The following ART3 variants were observed in gnomAD, a reference collection of about 807,000 sequenced individuals.
The protein encoded by ART3 is ADP-ribosyltransferase 3 (inactive).
ART3 carries 49 observed loss-of-function variants against 48.5 expected under a neutral mutation model. The ratio of observed to expected loss-of-function variants is 1.01; its 90% CI spans 0.80 to 1.28. The LOEUF (loss-of-function observed/expected upper bound fraction) is 1.28. ART3 is among the 50% of genes most tolerant of loss of function. The probability of loss-of-function intolerance (pLI) is 0.00; values close to 1 mark genes in which losing one functional copy is unlikely to be tolerated. For synonymous variants in ART3, 145 were observed against 157.2 expected (o/e 0.92, Z 0.58); for missense variants, 438 against 454.3 (o/e 0.96, Z 0.33).
chr4:76,074,620 T>C (rs1193648126), upstream of ART3: 1 of 152,264 alleles, frequency 6.6e-6, no homozygotes, highest in East Asian at 1.9e-4. Flanking sequence ...GGGGGCCAGA[T>C]ATAAATAGCA....
At chr4:76,055,099 C>G (rs1298537071) in intron 1 of ART3, among the ~76,000 whole-genome samples, 1 of 152,180 alleles carries the variant, frequency 6.6e-6, no homozygotes, top group Non-Finnish European at 1.5e-5. Context: ...TAAGGCTTTC[C>G]TAACATCCTG....
At chr4:76,033,291 A>G (rs1489575714) in intron 1 of ART3, among the ~76,000 whole-genome samples, 1 of 152,206 alleles carries the variant, frequency 6.6e-6, no homozygotes, top group Non-Finnish European at 1.5e-5. Flanking sequence ...GGAAGACACT[A>G]CTGTAAGACT....
chr4:76,018,858 T>G (rs1408652021), intron 1 of ART3, among the ~76,000 whole-genome samples: 3 of 152,010 alleles, frequency 2.0e-5, no homozygotes, highest in Non-Finnish European at 4.4e-5. Flanking sequence ...TGAAGCCTCA[T>G]ATTTGTATTA....
chr4:76,054,340 A>T (rs1332577078), intron 1 of ART3, among the ~76,000 whole-genome samples: 1 of 152,212 alleles, frequency 6.6e-6, no homozygotes, highest in Non-Finnish European at 1.5e-5. Flanking sequence ...GACCATTTAT[A>T]AGGAGTATTT....
At chr4:76,046,185 T>C (rs1000801815) in intron 1 of ART3, among the ~76,000 whole-genome samples, 1 of 151,996 alleles carries the variant, frequency 6.6e-6, no homozygotes, top group Non-Finnish European at 1.5e-5. Flanking sequence ...GGCAAGACCA[T>C]CTGTGTAAGT....
chr4:76,039,743 T>C (rs534572791), intron 1 of ART3, among the ~76,000 whole-genome samples: 1 of 152,342 alleles, frequency 6.6e-6, no homozygotes, highest in South Asian at 2.1e-4. Flanking sequence ...TTCTTAATTT[T>C]TTTAAAAAGA....
intron 1 of ART3, among the ~76,000 whole-genome samples, chr4:76,046,486 T>G (rs980353543): frequency 6.6e-6 from 1 of 152,064 alleles, no homozygotes; most frequent in African/African-American, 2.4e-5. Context: ...CTTGAGCTTT[T>G]AAATGTTTAA....
At chr4:76,102,846 A>T (rs1006070401) in intron 8 of ART3, among the ~76,000 whole-genome samples, 34 of 152,210 alleles carry the variant, frequency 2.2e-4, no homozygotes, top group African/African-American at 7.9e-4. Context: ...AGCATATTTT[A>T]TATATTACAT....
intron 1 of ART3, among the ~76,000 whole-genome samples, chr4:76,036,508 A>G (rs1734425626): frequency 6.6e-6 from 1 of 152,030 alleles, no homozygotes; most frequent in African/African-American, 2.4e-5. Context: ...TAAGGCCTAT[A>G]TTATTTGACA....
chr4:76,082,854 A>G (rs944742328), intron 3 of ART3, among the ~76,000 whole-genome samples: 3 of 152,126 alleles, frequency 2.0e-5, no homozygotes, highest in Middle Eastern at 3.2e-3. Context: ...TGCTACTGAC[A>G]TCTAATGGGT....
At chr4:76,040,076 G>A (rs1734797614) in intron 1 of ART3, among the ~76,000 whole-genome samples, 1 of 152,224 alleles carries the variant, frequency 6.6e-6, no homozygotes, top group Non-Finnish European at 1.5e-5. Flanking sequence ...TGTAATCCCA[G>A]CAGTTTGGGA....
chr4:76,088,209 G>T (rs1351197644), intron 3 of ART3, among the ~76,000 whole-genome samples: 1 of 151,568 alleles, frequency 6.6e-6, no homozygotes, highest in Non-Finnish European at 1.5e-5. Context: ...AAATTTATAT[G>T]CAGAGAAATA....
At chr4:76,035,897 A>T (rs751105525) in intron 1 of ART3, 1 of 1,594,914 alleles carries the variant, frequency 6.3e-7, no homozygotes, top group South Asian at 1.1e-5. Flanking sequence ...AAAGGAACTT[A>T]TAGGTTGAGA....
chr4:76,097,385 AT>A (rs1340398877), intron 3 of ART3, among the ~76,000 whole-genome samples: 1 of 151,666 alleles, frequency 6.6e-6, no homozygotes, highest in African/African-American at 2.4e-5. Flanking sequence ...AAAAAAAAAA[AT>A]TGTAGAAATG....
chr4:76,014,216 C>A, intron 1 of ART3, among the ~76,000 whole-genome samples: 1 of 152,014 alleles, frequency 6.6e-6, no homozygotes, highest in Non-Finnish European at 1.5e-5. Flanking sequence ...CCTGAGGAAG[C>A]ACAGTCTTTG....
upstream of ART3, among the ~76,000 whole-genome samples, chr4:76,072,188 C>T (rs1022175641): frequency 6.6e-6 from 1 of 152,210 alleles, no homozygotes; most frequent in African/African-American, 2.4e-5. Flanking sequence ...TCTGAGATTA[C>T]AAACACTTTA....
chr4:76,109,683 A>G (rs578020470), intron 11 of ART3, among the ~76,000 whole-genome samples: 56 of 152,330 alleles, frequency 3.7e-4, no homozygotes, highest in African/African-American at 1.3e-3. Flanking sequence ...CGATGTTGCT[A>G]GGCAGTAGGA....
At chr4:76,048,235 A>G (rs923468196) in intron 1 of ART3, among the ~76,000 whole-genome samples, 7 of 151,912 alleles carry the variant, frequency 4.6e-5, no homozygotes, top group Middle Eastern at 3.2e-3. Context: ...GAAAGCTTGG[A>G]CATAAGGTAT....
chr4:76,034,977 T>A, intron 1 of ART3: 2 of 1,453,768 alleles, frequency 1.4e-6, no homozygotes, highest in Non-Finnish European at 1.9e-6. Flanking sequence ...GTTGTCCACA[T>A]TATTTTCTTT....
Sources: gnomAD v4.1 joint callset for allele counts (sites outside exome capture counted in the v4.1 genomes callset) on GRCh38, gnomAD v4.1.1 for gene constraint, MANE v1.5 for transcripts, NCBI Gene and HGNC (gene_info 2026-07-23, HGNC 2026-07-21) for gene names.